Variants in KIAA1671 observed in about 807,000 individuals in gnomAD.
KIAA1671 encodes the protein KIAA1671.
Under a neutral mutation model 131.2 loss-of-function variants are expected in KIAA1671, and 52 were observed. The observed-to-expected ratio is 0.40, with a 90% CI of 0.32 to 0.50. The LOEUF (loss-of-function observed/expected upper bound fraction) is 0.50. Among genes scored for constraint, KIAA1671 ranks in the 20% least tolerant of loss-of-function variants. KIAA1671 has a pLI of 0.73. For missense variants in KIAA1671, 2,360 were observed against 2,364.2 expected (o/e 1.00, Z 0.04); for synonymous variants, 1,003 against 961.6 (o/e 1.04, Z -0.80).
chr22:25,092,004 G>T (rs185919862), intron 6 of KIAA1671, among the ~76,000 whole-genome samples: 46 of 152,160 alleles, frequency 3.0e-4, no homozygotes, highest in African/African-American at 8.9e-4. Flanking sequence ...TTACTCCTTT[G>T]TTTATCCACT....
At chr22:25,133,918 T>C (rs2145949182) in intron 6 of KIAA1671, among the ~76,000 whole-genome samples, 1 of 152,334 alleles carries the variant, frequency 6.6e-6, no homozygotes, top group Middle Eastern at 3.4e-3. Context: ...AGTCTAGACA[T>C]TGGTGTCCCT....
At chr22:25,030,620 C>T (rs1298772603) in intron 3 of KIAA1671, among the ~76,000 whole-genome samples, 7 of 152,056 alleles carry the variant, frequency 4.6e-5, no homozygotes, top group East Asian at 1.9e-4. Context: ...TTGGTTAATA[C>T]TGATGTTCTA....
At chr22:24,978,378 G>A (rs544708768) in intron 1 of KIAA1671, among the ~76,000 whole-genome samples, 4 of 152,240 alleles carry the variant, frequency 2.6e-5, no homozygotes, top group African/African-American at 7.2e-5. Context: ...GGCCTCCCTA[G>A]CCATATGGAA....
chr22:25,048,643 C>T (rs1927368272), intron 5 of KIAA1671, among the ~76,000 whole-genome samples: 1 of 152,084 alleles, frequency 6.6e-6, no homozygotes, highest in South Asian at 2.1e-4. Context: ...CTATATATAA[C>T]TAAGTGGAAA....
chr22:25,150,365 A>G (rs1344019814), intron 6 of KIAA1671, among the ~76,000 whole-genome samples: 1 of 152,172 alleles, frequency 6.6e-6, no homozygotes, highest in East Asian at 1.9e-4. Context: ...CAGAGGGGGA[A>G]ACTGAGGTCC....
At chr22:25,153,240 C>T (rs1347194753) in intron 6 of KIAA1671, among the ~76,000 whole-genome samples, 2 of 152,172 alleles carry the variant, frequency 1.3e-5, no homozygotes, top group East Asian at 1.9e-4. Context: ...CAATTTTCCC[C>T]GCTTGGGGAT....
intron 9 of KIAA1671, among the ~76,000 whole-genome samples, chr22:25,180,102 G>C (rs75652957): frequency 0.072 from 10,994 of 152,262 alleles, 1,305 homozygotes; most frequent in African/African-American, 0.25. Flanking sequence ...TGTGTGGCAG[G>C]AGCATCCCTA....
At chr22:25,046,974 T>C (rs1445854520) in intron 5 of KIAA1671, among the ~76,000 whole-genome samples, 3 of 115,938 alleles carry the variant, frequency 2.6e-5, no homozygotes, top group Admixed American at 8.6e-5. Flanking sequence ...CTTGAGAGTT[T>C]TTTTTTTTTT....
chr22:25,119,495 C>T (rs1931834324), intron 6 of KIAA1671, among the ~76,000 whole-genome samples: 1 of 152,186 alleles, frequency 6.6e-6, no homozygotes, highest in South Asian at 2.1e-4. Context: ...AGATACTGTG[C>T]TCAGTAGAGG....
chr22:25,191,236 G>A (rs1324972345), intron 12 of KIAA1671, among the ~76,000 whole-genome samples: 2 of 151,166 alleles, frequency 1.3e-5, no homozygotes, highest in African/African-American at 2.4e-5. Context: ...GCTCATTGCG[G>A]CCTCTGCCTC....
At chr22:25,148,458 G>A (rs1173782107) in intron 6 of KIAA1671, among the ~76,000 whole-genome samples, 2 of 152,190 alleles carry the variant, frequency 1.3e-5, no homozygotes, top group African/African-American at 2.4e-5. Context: ...GCTGTAGAGA[G>A]TAGGAGCCCC....
chr22:24,969,830 G>A (rs919385758), intron 1 of KIAA1671, among the ~76,000 whole-genome samples: 1 of 152,334 alleles, frequency 6.6e-6, no homozygotes, highest in East Asian at 1.9e-4. Context: ...TTCAGCTTCT[G>A]CTCTGTAAAA....
Position 25,142,983 on chromosome 22 carries a change from A to C in KIAA1671, c.4531-27837A>C, listed in dbSNP as rs939840622. ...AGGCCCCAGCTGCGCTTCCGTTCTC[A>C]AACTCAGAGCTCTCCAGTGTGAGGA... On this transcript the variant is annotated intron_variant, in intron 6 of 12. Transcript: ENST00000358431. Among the ~76,000 whole-genome samples the C allele has an allele frequency of 1.6e-4, 24 of 152,260 alleles. 1 individual carries two copies. Among genetic ancestry groups the C allele is most frequent in the Admixed American group, 1.4e-3 (22 of 15,290 alleles).
chr22:25,180,549 G>T (rs1429430897), intron 9 of KIAA1671, among the ~76,000 whole-genome samples: 1 of 150,222 alleles, frequency 6.7e-6, no homozygotes, highest in East Asian at 2.0e-4. Context: ...AAAAAAAAAA[G>T]AAGAAAAAAT....
At chr22:25,112,072 C>T in intron 6 of KIAA1671, 5 of 397,860 alleles carry the variant, frequency 1.3e-5, no homozygotes, top group Middle Eastern at 1.3e-3. Flanking sequence ...CAAGCAAGCC[C>T]AAAACTTCCA....
chr22:25,134,731 G>T (rs181192823), intron 6 of KIAA1671, among the ~76,000 whole-genome samples: 1 of 152,152 alleles, frequency 6.6e-6, no homozygotes, highest in Non-Finnish European at 1.5e-5. Flanking sequence ...AAGCTGGGAG[G>T]CCTAGTGGTT....
At chr22:25,150,649 A>G (rs1426724231) in intron 6 of KIAA1671, among the ~76,000 whole-genome samples, 3 of 152,088 alleles carry the variant, frequency 2.0e-5, no homozygotes, top group East Asian at 3.9e-4. Flanking sequence ...GGGAAATAGA[A>G]CTCGGGCGTA....
chr22:25,157,098 G>A (rs771987421), intron 6 of KIAA1671, among the ~76,000 whole-genome samples: 1 of 152,156 alleles, frequency 6.6e-6, no homozygotes, highest in Non-Finnish European at 1.5e-5. Flanking sequence ...ATCAGTGGGA[G>A]CAGATTCCAT....
intron 6 of KIAA1671, among the ~76,000 whole-genome samples, chr22:25,070,941 A>T (rs1928786355): frequency 6.6e-6 from 1 of 152,184 alleles, no homozygotes; most frequent in African/African-American, 2.4e-5. Flanking sequence ...GAGGAAAAAA[A>T]CCAGAACATT....
Sources: allele counts gnomAD v4.1 joint callset (sites outside exome capture counted in the v4.1 genomes callset), GRCh38; gene constraint gnomAD v4.1.1; transcripts MANE v1.5; gene names NCBI Gene and HGNC (gene_info 2026-07-23, HGNC 2026-07-21).